ABCC1: variants seen among roughly 807,000 people sequenced by gnomAD.
ABCC1 encodes the protein multidrug resistance-associated protein 1.
Under a neutral mutation model 172.9 loss-of-function variants are expected in ABCC1, and 83 were observed. The ratio of observed to expected loss-of-function variants is 0.48; its 90% CI spans 0.40 to 0.58. The LOEUF is 0.58. Ranked by LOEUF, ABCC1 falls within the 20% of genes least tolerant of loss-of-function variation. ABCC1 has a pLI of 0.00. For synonymous variants in ABCC1, 937 were observed against 825.2 expected, an observed-to-expected ratio of 1.14 and a Z score of -2.32; for missense variants, 1,817 against 2,002.7, an observed-to-expected ratio of 0.91 and a Z score of 1.77.
chr16:16,102,969 T>G (rs2051839263), intron 20 of ABCC1, among the ~76,000 whole-genome samples: 1 of 152,158 alleles, frequency 6.6e-6, no homozygotes, highest in South Asian at 2.1e-4. Context: ...CTTCTGACAC[T>G]CGGGCTCCCT....
chr16:16,141,366 C>A lies in ABCC1; in HGVS notation c.*85C>A. 3 of 1,281,534 alleles carry A rather than the reference C, an allele frequency of 2.3e-6. No homozygotes were observed. Among genetic ancestry groups the A allele is most frequent in the Admixed American group, 2.0e-5 (1 of 49,220 alleles). The allele number at this position is 1,281,534 out of a possible 1,614,324, so 79.4% of individuals were successfully genotyped here. A position where few individuals can be genotyped will look rare whatever the true frequency, so the allele number is the denominator to read the frequency against. On this transcript the variant is annotated 3_prime_UTR_variant, in exon 31 of 31. Transcript: ENST00000399410. Reference sequence around the variant, plus strand: ...GAGTCAGTACCCCTGGTAAACCAAGCCTCCCACACTGAAACCAAAACATAA... The same window carrying A: ...GAGTCAGTACCCCTGGTAAACCAAGACTCCCACACTGAAACCAAAACATAA...
intron 4 of ABCC1, among the ~76,000 whole-genome samples, chr16:16,015,108 C>T (rs1166518267): frequency 1.4e-5 from 2 of 147,934 alleles, no homozygotes; most frequent in African/African-American, 5.0e-5. Context: ...TGTGCTGCTG[C>T]TAGGAATTTT....
intron 30 of ABCC1, among the ~76,000 whole-genome samples, chr16:16,140,439 A>T (rs2046083980): frequency 1.3e-5 from 2 of 152,164 alleles, no homozygotes; most frequent in Middle Eastern, 6.8e-3. Context: ...GCCTCAAGTG[A>T]TCCTCCTGCC....
chr16:15,955,991 T>C (rs2045989296), intron 1 of ABCC1, among the ~76,000 whole-genome samples: 1 of 152,138 alleles, frequency 6.6e-6, no homozygotes. Context: ...CTTACACCTG[T>C]AATCTCAGCA....
intron 1 of ABCC1, among the ~76,000 whole-genome samples, chr16:15,971,466 C>T (rs748801873): frequency 2.0e-4 from 30 of 152,182 alleles, no homozygotes; most frequent in Non-Finnish European, 2.8e-4. Context: ...GAAACTTTTC[C>T]GGAGTTGCTT....
intron 1 of ABCC1, among the ~76,000 whole-genome samples, chr16:15,974,989 G>A (rs1173636542): frequency 6.6e-6 from 1 of 151,972 alleles, no homozygotes; most frequent in East Asian, 1.9e-4. Flanking sequence ...GTTTCACCAT[G>A]TTGGCCAGGT....
chr16:16,075,176 A>G (rs867135550), intron 14 of ABCC1, among the ~76,000 whole-genome samples: 3 of 151,862 alleles, frequency 2.0e-5, no homozygotes, highest in Non-Finnish European at 4.4e-5. Context: ...AACTCCTGAC[A>G]TCAGGTGATC....
In ABCC1 at chr16:16,134,621, CGTTCTT is replaced by C. The variant is rs1184709286; in HGVS notation, c.4125+114_4125+119del. 113 of 495,100 alleles carry C rather than the reference CGTTCTT, an allele frequency of 2.3e-4. No individual in the cohort carries two copies. The African/African-American group carries it at 2.4e-3, about 11-fold the overall frequency. 30.7% of individuals were successfully genotyped at this position (495,100 alleles called of 1,614,324 possible). ...AAACATACATTTGGCCCTACTTCAT[CGTTCTT>C]TTTTTTTTTTTTTTTTTTTTTTTTC... is the stretch of plus-strand genomic sequence containing the variant. On this transcript the variant is annotated intron_variant, in intron 28 of 30. Transcript: ENST00000399410.
Position 16,018,518 on chromosome 16 carries a change from C to T in ABCC1, c.615+1897C>T, listed in dbSNP as rs1302041269. Among the ~76,000 whole-genome samples, 3 of 152,042 alleles carry T rather than the reference C, an allele frequency of 2.0e-5. No homozygotes were observed. The East Asian group carries it at 5.8e-4, about 29-fold the overall frequency. On this transcript the variant is annotated intron_variant, in intron 5 of 30. Transcript: ENST00000399410. Reference sequence around the variant, plus strand: ...GAGCAGAGATCACACCACTGCGCTCCAACCTGGGTGACAGAATGAGACTCT... The same window carrying T: ...GAGCAGAGATCACACCACTGCGCTCTAACCTGGGTGACAGAATGAGACTCT...
intron 12 of ABCC1, chr16:16,056,498 C>G: frequency 1.6e-6 from 1 of 606,176 alleles, no homozygotes; most frequent in Non-Finnish European, 2.9e-6. Context: ...GAAACCCAGT[C>G]TCTACTAAAA....
intron 1 of ABCC1, among the ~76,000 whole-genome samples, chr16:15,969,367 C>CTTTTTTTTTT (rs57250944): frequency 1.5e-5 from 2 of 131,608 alleles, no homozygotes; most frequent in African/African-American, 2.9e-5. Context: ...GCTGGTCAGT[C>CTTTTTTTTTT]TTTTTTTTTT....
intron 12 of ABCC1, 61 bp downstream of exon 12, chr16:16,056,356 C>T (rs558062587): frequency 2.5e-6 from 4 of 1,574,512 alleles, no homozygotes; most frequent in African/African-American, 2.7e-5. Context: ...CTCTGCGTAC[C>T]TGAATATTTT....
chr16:16,062,773 C>T (rs888543649), intron 12 of ABCC1, among the ~76,000 whole-genome samples: 1 of 152,142 alleles, frequency 6.6e-6, no homozygotes, highest in African/African-American at 2.4e-5. Flanking sequence ...GTTTACCCAG[C>T]GGTAGGTGTG....
chr16:16,018,651 G>T (rs2048088169), intron 5 of ABCC1, among the ~76,000 whole-genome samples: 1 of 152,016 alleles, frequency 6.6e-6, no homozygotes, highest in African/African-American at 2.4e-5. Flanking sequence ...ATGAGCAAGT[G>T]CACACATCTG....
At chr16:16,058,331 GT>G (rs2049759358) in intron 12 of ABCC1, among the ~76,000 whole-genome samples, 1 of 151,958 alleles carries the variant, frequency 6.6e-6, no homozygotes, top group Non-Finnish European at 1.5e-5. Flanking sequence ...TTTTTGTAAT[GT>G]TGTGCTCATT....
intron 1 of ABCC1, among the ~76,000 whole-genome samples, chr16:15,990,816 ATTTTT>A (rs57111358): frequency 1.7e-5 from 2 of 118,208 alleles, no homozygotes; most frequent in African/African-American, 6.4e-5. Context: ...CGCCCGGCTA[ATTTTT>A]TTTTTTTTTT....
intron 21 of ABCC1, among the ~76,000 whole-genome samples, chr16:16,109,499 AT>A (rs1473079895): frequency 1.3e-5 from 2 of 152,158 alleles, no homozygotes; most frequent in African/African-American, 4.8e-5. Flanking sequence ...ATGACCCAAA[AT>A]TCAGCATGAA....
Position 16,083,435 on chromosome 16 carries a change from G to A in ABCC1, c.2185G>A (p.Gly729Arg), listed in dbSNP as rs1258429220. 1 of 1,613,836 alleles carries A rather than the reference G, an allele frequency of 6.2e-7. No individual in the cohort carries two copies. The highest frequency in any genetic ancestry group is 1.3e-5 in the African/African-American group (1 of 74,908). The change falls in exon 17 of 31, where the codon GGA becomes AGA. Residue 729 changes from glycine to arginine, a missense_variant. Around this residue, in one of 3 missense-constraint regions of ABCC1, gnomAD observed 1,412 missense variants for 1,600.3 expected, o/e 0.88. Coordinates refer to ENST00000399410, the MANE Select transcript of ABCC1 (RefSeq NM_004996.4). ...TTCTCTCCGAGAAAACATCCTTTTT[G>A]GATGTCAGCTGGAGGAACCATATTA... is the stretch of plus-strand genomic sequence containing the variant. Reference protein sequence around the residue: ...NDSLRENILFGCQLEEPYYRS... With the variant: ...NDSLRENILFRCQLEEPYYRS...
chr16:16,106,561 A>C, intron 20 of ABCC1, 177 bp from the exon 21 acceptor site: 1 of 609,628 alleles, frequency 1.6e-6, no homozygotes, highest in Non-Finnish European at 2.6e-6. Context: ...ATAAACCTGG[A>C]GAGTGACATG....
Sources: allele counts gnomAD v4.1 joint callset (sites outside exome capture counted in the v4.1 genomes callset), GRCh38; gene constraint gnomAD v4.1.1; regional missense constraint gnomAD v4.1.1; transcripts MANE v1.5; gene names NCBI Gene and HGNC (gene_info 2026-07-23, HGNC 2026-07-21).